The following SDAD1 variants were observed in gnomAD, a reference collection of about 807,000 sequenced individuals.
SDAD1 encodes SDA1 domain containing 1.
SDAD1 carries 79 observed loss-of-function variants against 100.3 expected under a neutral mutation model. That is an observed-to-expected ratio of 0.79 (90% CI 0.66 to 0.95). SDAD1 has a LOEUF of 0.95. SDAD1 is among the 40% of genes least tolerant of loss of function. SDAD1 has a pLI of 0.00. For synonymous variants in SDAD1, 267 were observed against 271.4 expected, an observed-to-expected ratio of 0.98 and a Z score of 0.16; for missense variants, 790 against 810.9, an observed-to-expected ratio of 0.97 and a Z score of 0.31.
chr4:75,987,375 A>G (rs919192766), intron 1 of SDAD1, among the ~76,000 whole-genome samples: 2 of 152,180 alleles, frequency 1.3e-5, no homozygotes, highest in African/African-American at 2.4e-5. Flanking sequence ...ATTCATATAC[A>G]TTTCATATAC....
intron 11 of SDAD1, 41 bp downstream of exon 11, chr4:75,969,255 A>T: frequency 6.7e-7 from 1 of 1,491,222 alleles, no homozygotes; most frequent in South Asian, 1.2e-5. Flanking sequence ...GGTAAATTCT[A>T]CTTCAAATAT....
intron 4 of SDAD1, among the ~76,000 whole-genome samples, chr4:75,977,079 C>T (rs1380415078): frequency 6.6e-6 from 1 of 152,210 alleles, no homozygotes; most frequent in Non-Finnish European, 1.5e-5. Flanking sequence ...GTGTGAGCCA[C>T]AGTGTCCAGC....
intron 16 of SDAD1, 129 bp from the exon 17 acceptor site, chr4:75,960,321 G>A: frequency 1.2e-6 from 1 of 846,618 alleles, no homozygotes; most frequent in South Asian, 2.2e-5. Context: ...CTGTTGCCCA[G>A]ACTGGAGTGC....
intron 1 of SDAD1, among the ~76,000 whole-genome samples, chr4:75,990,276 C>A (rs866266004): frequency 0.087 from 1,543 of 17,638 alleles, 17 homozygotes; most frequent in Middle Eastern, 0.23. Flanking sequence ...CTTGAGAAAC[C>A]CCCCCCCCCC....
At chr4:75,952,962 T>C (rs1349626207) in intron 21 of SDAD1, among the ~76,000 whole-genome samples, 1 of 152,248 alleles carries the variant, frequency 6.6e-6, no homozygotes, top group Non-Finnish European at 1.5e-5. Flanking sequence ...AAGTGATATA[T>C]GTGGTTCATA....
Position 75,956,009 on chromosome 4 carries a change from C to T in SDAD1, c.1982G>A (p.Arg661Gln), listed in dbSNP as rs139040292. 38 of 1,598,602 alleles carry T rather than the reference C, an allele frequency of 2.4e-5. 1 individual carries two copies. Among genetic ancestry groups the T allele is most frequent in the African/African-American group, 1.9e-4 (14 of 73,756 alleles). ...TCGGAAGGAACGCTTATTTTTTGAC[C>T]GGACATTCTGGCTATACCGCATCAT... ...FMMMRYSQNV[R>Q]SKNKRSFREK... The change falls in exon 21 of 22, where the codon CGG (arginine) becomes CAG (glutamine). Residue 661 changes from arginine (R) to glutamine (Q), a missense_variant. By Grantham distance (43) the Arg-to-Gln change is conservative. Coordinates refer to ENST00000356260, the MANE Select transcript of SDAD1 (RefSeq NM_018115.4).
intron 1 of SDAD1, among the ~76,000 whole-genome samples, chr4:75,987,533 A>C (rs1474684436): frequency 6.6e-6 from 1 of 151,802 alleles, no homozygotes; most frequent in African/African-American, 2.4e-5. Flanking sequence ...ATGGAGTTTC[A>C]TCTTGTTGCC....
At position 75,964,224 on chromosome 4, in the gene SDAD1, CA is replaced by C; in HGVS notation, c.1105-14del. The C allele has an allele frequency of 3.2e-6, 5 of 1,558,422 alleles. No homozygotes were observed. The highest frequency in any genetic ancestry group is 3.5e-6 in the Non-Finnish European group (4 of 1,136,582). On this transcript the variant is annotated splice_polypyrimidine_tract_variant and intron_variant, in intron 13 of 21. Transcript: ENST00000356260. ...ATGATTGAATAATCTGAATTGGAAA[CA>C]AAAAAGAGATGGGTGCTGATTAAAT...
chr4:75,955,852 A>G (rs1219932127), intron 21 of SDAD1, 123 bp downstream of exon 21: 3 of 1,153,404 alleles, frequency 2.6e-6, no homozygotes, highest in East Asian at 4.9e-5. Flanking sequence ...ATGCTCTCCA[A>G]CAATGCTCCC....
intron 11 of SDAD1, 26 bp downstream of exon 11, chr4:75,969,270 C>G: frequency 1.3e-6 from 2 of 1,556,402 alleles, no homozygotes; most frequent in Non-Finnish European, 1.8e-6. Flanking sequence ...AAATATTCAC[C>G]AAGAGAAACA....
chr4:75,955,063 A>G (rs965615644), intron 21 of SDAD1, among the ~76,000 whole-genome samples: 9 of 152,170 alleles, frequency 5.9e-5, no homozygotes, highest in African/African-American at 2.2e-4. Flanking sequence ...CTGCTGATTA[A>G]TATCTTGCTA....
Position 75,977,674 on chromosome 4 carries a change from A to G in SDAD1, c.377T>C (p.Phe126Ser), listed in dbSNP as rs776905040. The change falls in exon 4 of 22, where the codon TTT becomes TCT. Residue 126 changes from phenylalanine to serine, a missense_variant. By Grantham distance (155) the Phe-to-Ser change is radical. Coordinates refer to ENST00000356260, the MANE Select transcript of SDAD1 (RefSeq NM_018115.4). ...TCGCAGAAGTTTATCATGGCAACGA[A>G]AAAGTTCAAAGAAGAGTTCTAGCAG... ...SSLLELFFEL[F>S]RCHDKLLRKT... 34 of 1,612,556 alleles carry G rather than the reference A, an allele frequency of 2.1e-5. No individual in the cohort carries two copies. The highest frequency in any genetic ancestry group is 2.8e-5 in the Non-Finnish European group (33 of 1,179,154).
intron 20 of SDAD1, among the ~76,000 whole-genome samples, chr4:75,956,654 A>G (rs961224052): frequency 3.9e-5 from 6 of 152,196 alleles, no homozygotes; most frequent in Non-Finnish European, 8.8e-5. Flanking sequence ...GCAGACTCCA[A>G]CTGGCTCTGG....
At chr4:75,977,389 G>A (rs1441038718) in intron 4 of SDAD1, among the ~76,000 whole-genome samples, 3 of 152,118 alleles carry the variant, frequency 2.0e-5, no homozygotes, top group African/African-American at 7.2e-5. Flanking sequence ...TGCAAAGTAA[G>A]AATAATAATA....
At position 75,974,137 on chromosome 4, in the gene SDAD1, G is replaced by T. The variant is rs773043005; in HGVS notation, c.579-4C>A. On this transcript the variant is annotated splice_region_variant and splice_polypyrimidine_tract_variant and intron_variant, in intron 6 of 21. Coordinates refer to ENST00000356260, the MANE Select transcript of SDAD1 (RefSeq NM_018115.4). ...ATTGACAGTTTTTGCATCATTCCTGGGGGAAGACAATGAATGCTTTGAAGT... is the reference window on the plus strand; with the variant it reads ...ATTGACAGTTTTTGCATCATTCCTGTGGGAAGACAATGAATGCTTTGAAGT... The T allele has an allele frequency of 2.5e-6, 4 of 1,612,904 alleles. No homozygotes were observed. The Admixed American group carries it at 6.7e-5, about 27-fold the overall frequency.
chr4:75,970,416 C>T (rs2149319960), intron 9 of SDAD1, 38 bp from the exon 10 acceptor site: 1 of 1,475,256 alleles, frequency 6.8e-7, no homozygotes, highest in Non-Finnish European at 9.5e-7. Flanking sequence ...GTCTGAGTTA[C>T]AGTGATGATG....
Position 75,971,825 on chromosome 4 carries a change from T to C in SDAD1, c.712-367A>G, listed in dbSNP as rs183944122. Among the ~76,000 whole-genome samples, 20 of 151,968 alleles carry C rather than the reference T, an allele frequency of 1.3e-4. No individual in the cohort carries two copies. In the East Asian group the frequency reaches 3.5e-3, roughly 26 times the overall value. On this transcript the variant is annotated intron_variant, in intron 8 of 21. Transcript: ENST00000356260. ...AGGGGGAAGTTACAGTGAGCTGAGA[T>C]CACGCCACTGCACTCCAGCCTGTCT... is the stretch of plus-strand genomic sequence containing the variant.
At chr4:75,957,761 C>G in intron 18 of SDAD1, 53 bp from the exon 19 acceptor site, 1 of 1,612,098 alleles carries the variant, frequency 6.2e-7, no homozygotes, top group Non-Finnish European at 8.5e-7. Flanking sequence ...AGAGCTCAGC[C>G]ATTTAAATTG....
chr4:75,975,304 G>A (rs1007151592), intron 6 of SDAD1, among the ~76,000 whole-genome samples: 16 of 152,144 alleles, frequency 1.1e-4, no homozygotes, highest in African/African-American at 1.9e-4. Flanking sequence ...TGAAGTGTAC[G>A]AAGCATGATA....
Sources: allele counts gnomAD v4.1 joint callset (sites outside exome capture counted in the v4.1 genomes callset), GRCh38; gene constraint gnomAD v4.1.1; transcripts MANE v1.5; gene names NCBI Gene and HGNC (gene_info 2026-07-23, HGNC 2026-07-21).